RNF166: variants seen among roughly 807,000 people sequenced by gnomAD.
RNF166 encodes E3 ubiquitin-protein ligase RNF166.
RNF166 carries 19 observed loss-of-function variants against 29.4 expected under a neutral mutation model. The ratio of observed to expected loss-of-function variants is 0.65; its 90% CI spans 0.45 to 0.95. RNF166 has a LOEUF of 0.95. RNF166 is among the 40% of genes least tolerant of loss of function. RNF166 has a pLI of 0.00. For synonymous variants in RNF166, 171 were observed against 134.5 expected (o/e 1.27, Z -1.88); for missense variants, 347 against 322.1 (o/e 1.08, Z -0.59).
chr16:88,703,007 G>T (rs1004527953), intron 1 of RNF166: 89 of 985,252 alleles, frequency 9.0e-5, no homozygotes, highest in Non-Finnish European at 1.1e-4. Context: ...ACGGCGTGGC[G>T]TGCACACCCA....
In RNF166 at chr16:88,703,044, G is replaced by A. The variant is rs915307271; in HGVS notation, c.156-1626C>T. 6.6e-5 allele frequency: 65 copies of A among 985,504 alleles called. No individual in the cohort carries two copies. The Admixed American group carries it at 8.6e-4, about 13-fold the overall frequency. 61.0% of individuals were successfully genotyped at this position (985,504 alleles called of 1,614,324 possible). ...GGAAAGGGCGTTCGGCCGGGAAGAG[G>A]CGTGCAGCCCCACCACGCACCGGAA... On this transcript the variant is annotated intron_variant, in intron 1 of 5. Transcript: ENST00000312838.
intron 5 of RNF166, chr16:88,698,053 G>T: frequency 1.8e-6 from 1 of 547,118 alleles, no homozygotes; most frequent in Admixed American, 3.4e-5. Flanking sequence ...GGCGCAGGGA[G>T]GGGCCGCACC....
At position 88,706,367 on chromosome 16, in the gene RNF166, C is replaced by T. The variant is rs1910808219; in HGVS notation, c.-42G>A. The stretch of plus-strand genomic sequence containing the variant: ...CGCCGCCCGCCGCCCGCTGTCCTGG[C>T]CCGGGCCGGCCCGCTAGTCACAGCC... On this transcript the variant is annotated 5_prime_UTR_variant, in exon 1 of 6. Coordinates refer to ENST00000312838, the MANE Select transcript of RNF166 (RefSeq NM_178841.4). 7.4e-6 allele frequency: 9 copies of T among 1,216,762 alleles called. No individual in the cohort carries two copies. In the Admixed American group the frequency reaches 2.6e-4, roughly 36 times the overall value. 75.4% of individuals were successfully genotyped at this position (1,216,762 alleles called of 1,614,324 possible). A position where few individuals can be genotyped will look rare whatever the true frequency, so the allele number is the denominator to read the frequency against.
At chr16:88,699,948 G>A (rs1203730515) in intron 2 of RNF166, 5 of 444,834 alleles carry the variant, frequency 1.1e-5, no homozygotes, top group South Asian at 3.6e-5. Flanking sequence ...AGGACAATCT[G>A]GCCGAGGGCA....
chr16:88,705,634 T>C (rs1910709750), intron 1 of RNF166, among the ~76,000 whole-genome samples: 1 of 152,246 alleles, frequency 6.6e-6, no homozygotes, highest in Non-Finnish European at 1.5e-5. Flanking sequence ...GTGATCGGTG[T>C]GACTCAAGTT....
At chr16:88,703,073 C>T in intron 1 of RNF166, 4 of 985,586 alleles carry the variant, frequency 4.1e-6, no homozygotes, top group Non-Finnish European at 4.8e-6. Context: ...ACCGGAAGGC[C>T]TGGAAAACAG....
intron 2 of RNF166, 103 bp downstream of exon 2, chr16:88,701,159 C>G: frequency 6.9e-7 from 1 of 1,458,998 alleles, no homozygotes; most frequent in Non-Finnish European, 9.4e-7. Flanking sequence ...GATTACTCAA[C>G]AGGAAAGAGA....
chr16:88,703,505 C>A, intron 1 of RNF166: 1 of 985,384 alleles, frequency 1.0e-6, no homozygotes, highest in South Asian at 4.7e-5. Flanking sequence ...ACTGGCAGGG[C>A]GGCTGGGCCC....
chr16:88,700,887 C>T, intron 2 of RNF166: 2 of 1,127,942 alleles, frequency 1.8e-6, no homozygotes, highest in Non-Finnish European at 2.2e-6. Flanking sequence ...GCCCGCGGCC[C>T]TTGTGACCTT....
chr16:88,700,727 C>T lies in RNF166; in HGVS notation c.312+535G>A, dbSNP rs1012678812. The T allele has an allele frequency of 1.0e-5, 10 of 990,422 alleles. No individual in the cohort carries two copies. The African/African-American group carries it at 1.6e-4, about 16-fold the overall frequency. The allele number at this position is 990,422 out of a possible 1,614,324, so 61.4% of individuals were successfully genotyped here. A position where few individuals can be genotyped will look rare whatever the true frequency, so the allele number is the denominator to read the frequency against. On this transcript the variant is annotated intron_variant, in intron 2 of 5. Coordinates refer to ENST00000312838, the MANE Select transcript of RNF166 (RefSeq NM_178841.4). Reference sequence around the variant, plus strand: ...AGGGCCACGGGGCACGGGCCAGGCACCAGGACAGGATGGACATGGGGGCCA... The same window carrying T: ...AGGGCCACGGGGCACGGGCCAGGCATCAGGACAGGATGGACATGGGGGCCA...
intron 1 of RNF166, chr16:88,702,792 G>C (rs779122062): frequency 4.1e-6 from 4 of 985,478 alleles, no homozygotes; most frequent in Non-Finnish European, 4.8e-6. Flanking sequence ...GTTCTCACCA[G>C]GCGCCCCAGC....
intron 2 of RNF166, chr16:88,700,910 G>A (rs144761605): frequency 4.3e-6 from 5 of 1,152,420 alleles, no homozygotes; most frequent in African/African-American, 3.3e-5. Context: ...AGCCCCCAGC[G>A]CCGTCCCCGG....
intron 1 of RNF166, 33 bp from the exon 2 acceptor site, chr16:88,701,451 C>T: frequency 1.3e-6 from 2 of 1,524,694 alleles, no homozygotes; most frequent in Non-Finnish European, 1.8e-6. Context: ...TGCCAGCCCG[C>T]CCCTCGGGTC....
intron 1 of RNF166, chr16:88,703,702 T>A (rs942089332): frequency 1.9e-5 from 19 of 985,324 alleles, no homozygotes; most frequent in Non-Finnish European, 2.3e-5. Flanking sequence ...AGGAAGTGGC[T>A]GAGGGCGATG....
At chr16:88,701,658 C>G (rs1465969778) in intron 1 of RNF166, 1 of 476,718 alleles carries the variant, frequency 2.1e-6, no homozygotes, top group African/African-American at 2.0e-5. Flanking sequence ...TGGTTTCTGG[C>G]TAGCGGCAGA....
At chr16:88,702,657 G>A (rs1233714266) in intron 1 of RNF166, 1 of 959,716 alleles carries the variant, frequency 1.0e-6, no homozygotes, top group Non-Finnish European at 1.2e-6. Flanking sequence ...GCCACCACCT[G>A]GCTGGTGGCT....
chr16:88,699,105 G>GT lies in RNF166; in HGVS notation c.426-21dup. 3.9e-6 allele frequency: 6 copies of GT among 1,528,042 alleles called. No individual in the cohort carries two copies. 94.7% of individuals were successfully genotyped at this position (1,528,042 alleles called of 1,614,324 possible). A position where few individuals can be genotyped will look rare whatever the true frequency, so the allele number is the denominator to read the frequency against. ...ATGTTGCTGGCGGGGCGGGGGTAGA[G>GT]TGAGTGGCACGGCTAGGTGTCTAGG... is the stretch of plus-strand genomic sequence containing the variant. On this transcript the variant is annotated intron_variant, in intron 3 of 5. Transcript: ENST00000312838.
intron 1 of RNF166, 43 bp from the exon 2 acceptor site, chr16:88,701,461 C>T: frequency 6.6e-7 from 1 of 1,505,628 alleles, no homozygotes; most frequent in Non-Finnish European, 8.8e-7. Context: ...CCCCTCGGGT[C>T]TCCCGAACCG....
At chr16:88,698,273 T>A in intron 5 of RNF166, 1 of 696,676 alleles carries the variant, frequency 1.4e-6, no homozygotes, top group Non-Finnish European at 2.6e-6. Context: ...GTGCGGTCCA[T>A]GTCCCCGAGA....
Sources: allele counts gnomAD v4.1 joint callset (sites outside exome capture counted in the v4.1 genomes callset), GRCh38; gene constraint gnomAD v4.1.1; transcripts MANE v1.5; gene names NCBI Gene and HGNC (gene_info 2026-07-23, HGNC 2026-07-21).